Variants in RESF1 observed in about 807,000 individuals in gnomAD.
The protein encoded by RESF1 is gonad expressed transcript.
RESF1 carries 65 observed loss-of-function variants against 134.7 expected under a neutral mutation model. That is an observed-to-expected ratio of 0.48 (90% confidence interval 0.40 to 0.59). The LOEUF is 0.59. Among genes scored for constraint, RESF1 ranks in the 20% least tolerant of loss-of-function variants. The pLI is 0.00. For synonymous variants in RESF1, 762 were observed against 702.2 expected (o/e 1.09, Z -1.35); for missense variants, 2,274 against 2,002.7 (o/e 1.14, Z -2.59).
At chr12:31,973,675 AG>A (rs1405086177) in intron 3 of RESF1, among the ~76,000 whole-genome samples, 6 of 115,010 alleles carry the variant, frequency 5.2e-5, no homozygotes, top group Admixed American at 8.4e-5. Context: ...AGAGGGATGG[AG>A]GAAAAAAAAA....
chr12:31,971,107 G>A lies in RESF1; in HGVS notation c.-79+751G>A, dbSNP rs990239953. 2.6e-5 allele frequency among the ~76,000 whole-genome samples: 4 copies of A among 152,116 alleles called. No homozygotes were observed. In the East Asian group the frequency reaches 5.8e-4, roughly 22 times the overall value. ...ATGCATCTCTTTATCAGCATTTTTT[G>A]TCTTAGTCTGTTTTGTCTGATACTA... On this transcript the variant is annotated intron_variant, in intron 3 of 5. Transcript: ENST00000312561.
intron 3 of RESF1, among the ~76,000 whole-genome samples, chr12:31,972,927 G>T (rs181584998): frequency 1.3e-5 from 2 of 151,842 alleles, no homozygotes; most frequent in Non-Finnish European, 2.9e-5. Flanking sequence ...TTATTCCTTA[G>T]TGGGGTTTAT....
intron 1 of RESF1, among the ~76,000 whole-genome samples, chr12:31,960,312 C>A (rs918286669): frequency 6.6e-6 from 1 of 152,042 alleles, no homozygotes; most frequent in African/African-American, 2.4e-5. Context: ...GAGCTTGAGG[C>A]GCATTTTCAT....
Position 31,983,490 on chromosome 12 carries a change from T to C in RESF1, c.2535T>C (p.Asn845=), listed in dbSNP as rs1282096108. 3.1e-6 allele frequency: 5 copies of C among 1,613,974 alleles called. No individual in the cohort carries two copies. The highest frequency in any genetic ancestry group is 2.7e-5 in the African/African-American group (2 of 74,944). The change falls in exon 4 of 6, where the codon AAT becomes AAC. Residue 845 remains asparagine, a synonymous_variant. Transcript: ENST00000312561. ...AGGAAAAGCAGAATGAGTCAACTAA[T>C]GGTAATTCAGAAGTCACACCTAATG... ...TQKEKQNEST[N]GNSEVTPNVN...
intron 4 of RESF1, among the ~76,000 whole-genome samples, chr12:31,986,448 C>T (rs908679852): frequency 6.6e-6 from 1 of 152,152 alleles, no homozygotes; most frequent in Non-Finnish European, 1.5e-5. Context: ...ACTAATTGTC[C>T]TCTTTGAAAC....
At position 31,985,882 on chromosome 12, in the gene RESF1, C is replaced by T; in HGVS notation, c.4927C>T (p.Leu1643=). Residue 1643 remains leucine (L), a synonymous_variant, in exon 4 of 6, where the codon CTA becomes TTA. Coordinates refer to ENST00000312561, the MANE Select transcript of RESF1 (RefSeq NM_018169.4). The stretch of plus-strand genomic sequence containing the variant: ...GTTTAAATTATGTCCAGATATCTTA[C>T]TAAAGAATACAAACTCTGTGGAAGA... ...LEFKLCPDIL[L]KNTNSVEERK... 6 of 1,537,718 alleles carry T rather than the reference C, an allele frequency of 3.9e-6. No homozygotes were observed. The South Asian group carries it at 6.5e-5, about 17-fold the overall frequency.
chr12:31,976,136 A>G (rs1480424559), intron 3 of RESF1, among the ~76,000 whole-genome samples: 1 of 152,168 alleles, frequency 6.6e-6, no homozygotes, highest in Non-Finnish European at 1.5e-5. Flanking sequence ...TAGTATTACC[A>G]CCTTATGGTT....
At chr12:31,971,172 C>T (rs916240757) in intron 3 of RESF1, among the ~76,000 whole-genome samples, 2 of 152,128 alleles carry the variant, frequency 1.3e-5, no homozygotes, top group African/African-American at 4.8e-5. Context: ...GACGGAGTTT[C>T]ACTCTTGTTG....
intron 2 of RESF1, among the ~76,000 whole-genome samples, chr12:31,969,031 C>G (rs532515593): frequency 3.3e-5 from 5 of 152,184 alleles, no homozygotes; most frequent in Non-Finnish European, 5.9e-5. Flanking sequence ...CTCTCGACTT[C>G]CCATGCTCAA....
intron 1 of RESF1, among the ~76,000 whole-genome samples, 172 bp from the exon 2 acceptor site, chr12:31,960,605 A>T (rs942973769): frequency 2.2e-4 from 34 of 152,224 alleles, no homozygotes; most frequent in African/African-American, 8.0e-4. Flanking sequence ...TGGTATTTTC[A>T]GGCCAGACCT....
chr12:31,981,393 ACCCAATATGC>A lies in RESF1; in HGVS notation c.440_449del (p.Pro147ArgfsTer7), dbSNP rs1463200781. The A allele has an allele frequency of 6.2e-7, 1 of 1,614,048 alleles. No individual in the cohort carries two copies. Among genetic ancestry groups the A allele is most frequent in the Non-Finnish European group, 8.5e-7 (1 of 1,179,934 alleles). On this transcript the variant is annotated frameshift_variant, in exon 4 of 6. Transcript: ENST00000312561. LOFTEE classifies it high-confidence loss of function. Reference sequence around the variant, plus strand: ...ATCAAACTGATTTTGGAGCTAACGTACCCAATATGCCGGCACTACAGAGTCAACTGATAAC... The same window carrying A: ...ATCAAACTGATTTTGGAGCTAACGTACGGCACTACAGAGTCAACTGATAAC...
At chr12:31,973,119 G>T (rs1426679440) in intron 3 of RESF1, among the ~76,000 whole-genome samples, 1 of 152,068 alleles carries the variant, frequency 6.6e-6, no homozygotes, top group Non-Finnish European at 1.5e-5. Flanking sequence ...CTTGGGGCGA[G>T]AATTTATTCT....
Position 31,985,384 on chromosome 12 carries a change from G to A in RESF1, c.4429G>A (p.Glu1477Lys), listed in dbSNP as rs1186097336. 6 of 1,605,160 alleles carry A rather than the reference G, an allele frequency of 3.7e-6. No homozygotes were observed. In the African/African-American group the frequency reaches 8.1e-5, roughly 22 times the overall value. The stretch of plus-strand genomic sequence containing the variant: ...TGTGAAAAACGTGCCATGTGATTCT[G>A]AACATATGAGACCAAGTAAACTTGC... ...ICVKNVPCDS[E>K]HMRPSKLAVQ... Residue 1477 changes from glutamate (E) to lysine (K), a missense_variant, in exon 4 of 6, where the codon GAA (glutamate) becomes AAA (lysine). Coordinates refer to ENST00000312561, the MANE Select transcript of RESF1 (RefSeq NM_018169.4).
chr12:31,981,388 AACG>A lies in RESF1; in HGVS notation c.434_436del (p.Asn145_Val146delinsIle). 1 of 1,614,192 alleles carries A rather than the reference AACG, an allele frequency of 6.2e-7. No individual in the cohort carries two copies. The highest frequency in any genetic ancestry group is 8.5e-7 in the Non-Finnish European group (1 of 1,180,026). On this transcript the variant is annotated inframe_deletion, in exon 4 of 6. Coordinates refer to ENST00000312561, the MANE Select transcript of RESF1 (RefSeq NM_018169.4). The stretch of plus-strand genomic sequence containing the variant: ...ATCTCATCAAACTGATTTTGGAGCT[AACG>A]TACCCAATATGCCGGCACTACAGAG...
rs758623693 is a variant in RESF1 at position 31,982,417 on chromosome 12, G to A, written c.1462G>A (p.Asp488Asn). 3.1e-6 allele frequency: 5 copies of A among 1,614,036 alleles called. No individual in the cohort carries two copies. The highest frequency in any genetic ancestry group is 3.4e-6 in the Non-Finnish European group (4 of 1,180,006). ...TAAGACTCAATGTATGTTGAATTCT[G>A]ACATTCAGGAAGTCAATTGCAGAAG... ...TNKTQCMLNS[D>N]IQEVNCRRFN... is the part of the protein sequence containing the mutation. Residue 488 changes from aspartate to asparagine, a missense_variant, in exon 4 of 6, where the codon GAC becomes AAC. Transcript: ENST00000312561.
At chr12:31,991,038 C>A (rs995963652) in intron 5 of RESF1, among the ~76,000 whole-genome samples, 5 of 151,930 alleles carry the variant, frequency 3.3e-5, no homozygotes, top group African/African-American at 1.2e-4. Context: ...CTACAAATAA[C>A]TTTTTAAAAA....
chr12:31,963,126 G>A (rs1939317978), intron 2 of RESF1, among the ~76,000 whole-genome samples: 1 of 152,164 alleles, frequency 6.6e-6, no homozygotes, highest in African/African-American at 2.4e-5. Context: ...AGCACTTTGG[G>A]AGGCCAAGGC....
Position 31,985,354 on chromosome 12 carries a change from A to AG in RESF1, c.4399_4400insG (p.Ile1467SerfsTer9). ...TCTGAGTAATAAAGCATCGAAGAAA[A>AG]TCTGTGTGAAAAACGTGCCATGTGA... On this transcript the variant is annotated frameshift_variant, in exon 4 of 6. Transcript: ENST00000312561. LOFTEE classifies it high-confidence loss of function. 6.2e-7 allele frequency: 1 copy of AG among 1,609,670 alleles called. No individual in the cohort carries two copies. The highest frequency in any genetic ancestry group is 1.1e-5 in the South Asian group (1 of 89,902).
intron 2 of RESF1, among the ~76,000 whole-genome samples, chr12:31,967,495 G>A (rs1042858035): frequency 1.3e-5 from 2 of 152,130 alleles, no homozygotes; most frequent in Non-Finnish European, 2.9e-5. Flanking sequence ...CAAAAATGGG[G>A]TTTTATAGAC....
Sources: allele counts gnomAD v4.1 joint callset (sites outside exome capture counted in the v4.1 genomes callset), GRCh38; gene constraint gnomAD v4.1.1; transcripts MANE v1.5; gene names NCBI Gene and HGNC (gene_info 2026-07-23, HGNC 2026-07-21).